TCF4: variants seen among roughly 807,000 people sequenced by gnomAD.
The protein encoded by TCF4 is transcription factor 4.
Under a neutral mutation model 82.1 loss-of-function variants are expected in TCF4, and 3 were observed. That is an observed-to-expected ratio of 0.04 (90% CI 0.02 to 0.09). TCF4 has a LOEUF of 0.09. Among genes scored for constraint, TCF4 ranks in the 10% least tolerant of loss-of-function variants. TCF4 has a pLI of 1.00. For missense variants in TCF4, 518 were observed against 852.7 expected (o/e 0.61, Z 4.89); for synonymous variants, 276 against 309.6 (o/e 0.89, Z 1.14).
At chr18:55,614,763 A>T (rs1267948724) in intron 2 of TCF4, among the ~76,000 whole-genome samples, 2 of 152,238 alleles carry the variant, frequency 1.3e-5, no homozygotes, top group Admixed American at 6.5e-5. Flanking sequence ...ATTTTGATGA[A>T]GTCCATTGTA....
intron 11 of TCF4, chr18:55,267,966 T>C (rs2059566560): frequency 6.6e-6 from 1 of 152,154 alleles, no homozygotes; most frequent in Admixed American, 6.6e-5. Context: ...TAGATTCTCC[T>C]GTTCATCCAC....
intron 3 of TCF4, among the ~76,000 whole-genome samples, chr18:55,496,638 T>A (rs766320030): frequency 1.6e-4 from 24 of 152,086 alleles, no homozygotes; most frequent in Admixed American, 3.9e-4. Context: ...TTCTCCTCCA[T>A]CCCAACATTT....
intron 12 of TCF4, among the ~76,000 whole-genome samples, chr18:55,260,654 G>A (rs1341918667): frequency 1.3e-5 from 2 of 152,092 alleles, no homozygotes; most frequent in African/African-American, 4.8e-5. Context: ...TACCTCCCAG[G>A]TTCAAGCGAT....
chr18:55,276,565 A>AT (rs1476867558), intron 9 of TCF4, among the ~76,000 whole-genome samples: 2 of 152,124 alleles, frequency 1.3e-5, no homozygotes, highest in African/African-American at 2.4e-5. Flanking sequence ...CTCTGGGCCT[A>AT]TTGGCCTACA....
At chr18:55,381,857 G>A (rs1391240670) in intron 6 of TCF4, among the ~76,000 whole-genome samples, 1 of 151,006 alleles carries the variant, frequency 6.6e-6, no homozygotes, top group African/African-American at 2.4e-5. Context: ...ACTCATTTGT[G>A]AAATAAGGAG....
intron 5 of TCF4, among the ~76,000 whole-genome samples, chr18:55,453,933 C>T (rs2095679403): frequency 6.6e-6 from 1 of 151,946 alleles, no homozygotes; most frequent in African/African-American, 2.4e-5. Flanking sequence ...AATCACAGCT[C>T]ACTGTAGTGA....
intron 10 of TCF4, among the ~76,000 whole-genome samples, chr18:55,273,319 C>CA (rs1188450646): frequency 6.6e-6 from 1 of 152,098 alleles, no homozygotes; most frequent in African/African-American, 2.4e-5. Context: ...CAGATAATAT[C>CA]AACTTGGCCA....
intron 10 of TCF4, among the ~76,000 whole-genome samples, chr18:55,273,189 A>T (rs1960435240): frequency 6.6e-6 from 1 of 152,178 alleles, no homozygotes; most frequent in African/African-American, 2.4e-5. Context: ...AAGACTAAAC[A>T]TCAGTAACTT....
intron 4 of TCF4, among the ~76,000 whole-genome samples, chr18:55,461,837 A>T (rs972247635): frequency 3.9e-5 from 6 of 152,240 alleles, no homozygotes; most frequent in African/African-American, 1.2e-4. Context: ...AGGGGAATTT[A>T]AAATTAAAAC....
intron 3 of TCF4, among the ~76,000 whole-genome samples, chr18:55,487,939 CA>C (rs34007739): frequency 6.6e-6 from 1 of 151,484 alleles, no homozygotes; most frequent in Non-Finnish European, 1.5e-5. Flanking sequence ...CAGTGCCCTT[CA>C]AAAGCCCCTG....
chr18:55,355,738 A>G (rs1003493417), intron 6 of TCF4, among the ~76,000 whole-genome samples: 5 of 152,194 alleles, frequency 3.3e-5, no homozygotes, highest in African/African-American at 1.2e-4. Context: ...TACAAAGACC[A>G]AGATATCTTG....
At chr18:55,229,380 G>T (rs1430726526) in intron 17 of TCF4, 6 of 435,944 alleles carry the variant, frequency 1.4e-5, no homozygotes, top group Non-Finnish European at 2.1e-5. Context: ...GGAAAACAAA[G>T]CTTTTTTTAT....
intron 6 of TCF4, 38 bp downstream of exon 6, chr18:55,403,416 A>G: frequency 1.2e-6 from 2 of 1,610,332 alleles, no homozygotes; most frequent in Non-Finnish European, 1.7e-6. Flanking sequence ...TACCAGGTTA[A>G]TCCTCTCAAC....
At chr18:55,369,049 A>G (rs922433295) in intron 6 of TCF4, among the ~76,000 whole-genome samples, 2 of 152,228 alleles carry the variant, frequency 1.3e-5, no homozygotes, top group African/African-American at 4.8e-5. Flanking sequence ...AGGAACATAA[A>G]GTGAAGGGGA....
chr18:55,480,296 A>AGAGG (rs1568175353), intron 3 of TCF4, among the ~76,000 whole-genome samples: 1 of 63,356 alleles, frequency 1.6e-5, no homozygotes, highest in African/African-American at 6.0e-5. Flanking sequence ...AAAAAAAAAA[A>AGAGG]GCGGGGGGGC....
intron 5 of TCF4, among the ~76,000 whole-genome samples, chr18:55,409,613 CTAT>C (rs1320302669): frequency 3.3e-5 from 5 of 152,096 alleles, no homozygotes; most frequent in Admixed American, 6.6e-5. Context: ...TTCAGAACTA[CTAT>C]TATTTACAAC....
intron 3 of TCF4, among the ~76,000 whole-genome samples, chr18:55,530,612 T>C (rs1603619451): frequency 6.6e-6 from 1 of 151,992 alleles, no homozygotes; most frequent in African/African-American, 2.4e-5. Flanking sequence ...GGTGACTGCT[T>C]AGAAAGTTTT....
chr18:55,535,549 G>A (rs1568338970), intron 3 of TCF4, among the ~76,000 whole-genome samples: 4 of 152,154 alleles, frequency 2.6e-5, no homozygotes. Context: ...TTAAAAATTA[G>A]TTTTCTTACT....
Position 55,302,594 on chromosome 18 carries a change from G to C in TCF4, c.550-22938C>G, listed in dbSNP as rs913915486. 5 of 1,531,382 alleles carry C rather than the reference G, an allele frequency of 3.3e-6. No individual in the cohort carries two copies. The Admixed American group carries it at 9.8e-5, about 30-fold the overall frequency. The allele number at this position is 1,531,382 out of a possible 1,614,324, so 94.9% of individuals were successfully genotyped here. ...AGCCCAGAATTCATAATGGGAGGGA[G>C]AGAGGGAACTTCATGCTGGATATAT... On this transcript the variant is annotated intron_variant, in intron 8 of 19. Coordinates refer to ENST00000354452, the MANE Select transcript of TCF4 (RefSeq NM_001083962.2).
Sources: gnomAD v4.1 joint callset for allele counts (sites outside exome capture counted in the v4.1 genomes callset) on GRCh38, gnomAD v4.1.1 for gene constraint, MANE v1.5 for transcripts, NCBI Gene and HGNC (gene_info 2026-07-23, HGNC 2026-07-21) for gene names.